NKAIN3: variants seen among roughly 807,000 people sequenced by gnomAD.
NKAIN3 encodes sodium/potassium transporting ATPase interacting 3.
In NKAIN3, 25 loss-of-function variants were observed where a neutral mutation model predicts 30.2. The observed-to-expected ratio is 0.83, with a 90% CI of 0.60 to 1.16. NKAIN3 has a LOEUF of 1.16. Ranked by LOEUF, NKAIN3 falls within the 50% of genes most tolerant of loss-of-function variation. NKAIN3 has a pLI of 0.00. For missense variants in NKAIN3, 225 were observed against 254.1 expected, an observed-to-expected ratio of 0.89 and a Z score of 0.78; for synonymous variants, 91 against 89.6, an observed-to-expected ratio of 1.02 and a Z score of -0.09.
chr8:62,459,719 A>G (rs1444570865), intron 1 of NKAIN3, among the ~76,000 whole-genome samples: 1 of 152,228 alleles, frequency 6.6e-6, no homozygotes, highest in East Asian at 1.9e-4. Flanking sequence ...TATGCAATAC[A>G]TAGATCGGAG....
At chr8:62,560,536 T>C (rs866179062) in intron 1 of NKAIN3, among the ~76,000 whole-genome samples, 13 of 117,074 alleles carry the variant, frequency 1.1e-4, no homozygotes, top group East Asian at 2.2e-4. Flanking sequence ...CTTTTCTTTT[T>C]TTTTTTTTTT....
intron 3 of NKAIN3, among the ~76,000 whole-genome samples, chr8:62,736,424 C>T (rs1218296812): frequency 6.6e-6 from 1 of 152,114 alleles, no homozygotes; most frequent in Non-Finnish European, 1.5e-5. Context: ...ATTATGGCTA[C>T]CACTGCTGCA....
In NKAIN3 at chr8:62,323,771, A is replaced by G. The variant is rs1360502911; in HGVS notation, c.54+74644A>G. On this transcript the variant is annotated intron_variant, in intron 1 of 6. Transcript: ENST00000623646. ...TCCAGACAATGAAATATTATTGACC[A>G]ATACAAAGATATGAGTTATCAAGCC... Among the ~76,000 whole-genome samples the G allele has an allele frequency of 5.9e-5, 9 of 152,326 alleles. No individual in the cohort carries two copies. In the South Asian group the frequency reaches 1.4e-3, roughly 25 times the overall value.
chr8:62,480,198 C>T (rs1039271378), intron 1 of NKAIN3, among the ~76,000 whole-genome samples: 5 of 152,102 alleles, frequency 3.3e-5, no homozygotes, highest in African/African-American at 1.2e-4. Context: ...TGCTACTTTC[C>T]ATTACTATGA....
At chr8:62,329,440 C>T (rs771226866) in intron 1 of NKAIN3, among the ~76,000 whole-genome samples, 1 of 152,110 alleles carries the variant, frequency 6.6e-6, no homozygotes, top group Non-Finnish European at 1.5e-5. Flanking sequence ...GATCCCATCA[C>T]CCATTCCGGA....
chr8:62,795,633 A>G (rs1586203319), intron 4 of NKAIN3, among the ~76,000 whole-genome samples: 1 of 152,322 alleles, frequency 6.6e-6, no homozygotes, highest in African/African-American at 2.4e-5. Context: ...TTAAAAGAGA[A>G]TTAGTAACAA....
At chr8:62,736,314 G>C (rs1815671244) in intron 3 of NKAIN3, among the ~76,000 whole-genome samples, 1 of 152,168 alleles carries the variant, frequency 6.6e-6, no homozygotes, top group African/African-American at 2.4e-5. Flanking sequence ...AGCGGATTAA[G>C]TGTGCCTGAG....
intron 3 of NKAIN3, among the ~76,000 whole-genome samples, chr8:62,658,224 C>A (rs1390822587): frequency 6.6e-6 from 1 of 152,170 alleles, no homozygotes; most frequent in Admixed American, 6.5e-5. Context: ...AAACTTGTAA[C>A]AATCTCTTAA....
intron 1 of NKAIN3, among the ~76,000 whole-genome samples, chr8:62,490,734 G>A (rs1422155852): frequency 6.6e-6 from 1 of 152,140 alleles, no homozygotes; most frequent in Non-Finnish European, 1.5e-5. Context: ...TGCCATCCCA[G>A]TGCTGGCATC....
At chr8:62,412,021 A>G (rs1225985856) in intron 1 of NKAIN3, among the ~76,000 whole-genome samples, 1 of 152,166 alleles carries the variant, frequency 6.6e-6, no homozygotes, top group African/African-American at 2.4e-5. Context: ...CTAAAAAACT[A>G]CCAAAGTCAT....
intron 4 of NKAIN3, among the ~76,000 whole-genome samples, chr8:62,886,250 G>T (rs1208264697): frequency 1.3e-5 from 2 of 151,612 alleles, no homozygotes; most frequent in South Asian, 2.1e-4. Flanking sequence ...CCAGTTCCCA[G>T]GTAGAGTGAG....
intron 4 of NKAIN3, among the ~76,000 whole-genome samples, chr8:62,775,476 A>G (rs1817162726): frequency 6.6e-6 from 1 of 151,694 alleles, no homozygotes; most frequent in Non-Finnish European, 1.5e-5. Flanking sequence ...TTGCTTTCCT[A>G]GTTTTTCAAG....
At chr8:62,499,867 T>C (rs1179523420) in intron 1 of NKAIN3, among the ~76,000 whole-genome samples, 3 of 152,158 alleles carry the variant, frequency 2.0e-5, no homozygotes, top group Non-Finnish European at 4.4e-5. Flanking sequence ...CTTTCTTTTT[T>C]TTTCTTTTTG....
At chr8:62,280,489 C>T (rs890225118) in intron 1 of NKAIN3, among the ~76,000 whole-genome samples, 2 of 152,092 alleles carry the variant, frequency 1.3e-5, no homozygotes, top group African/African-American at 2.4e-5. Context: ...TTTGCCCATT[C>T]AGTATGATAT....
rs568130037 is a variant in NKAIN3, at chr8:62,511,264, G to A, written c.55-68275G>A. On this transcript the variant is annotated intron_variant, in intron 1 of 6. Transcript: ENST00000623646. ...TGCAGTCTAGTTCCTACCGCCTTCC[G>A]CGGGGTTCCCTGTGCCCTCCCTCAC... 1.5e-3 allele frequency among the ~76,000 whole-genome samples: 227 copies of A among 152,164 alleles called. 1 individual carries two copies. The highest frequency in any genetic ancestry group is 4.9e-3 in the African/African-American group (204 of 41,508).
At chr8:62,274,569 G>A (rs375372452) in intron 1 of NKAIN3, among the ~76,000 whole-genome samples, 1 of 151,858 alleles carries the variant, frequency 6.6e-6, no homozygotes, top group African/African-American at 2.4e-5. Flanking sequence ...TCTTGCTCCA[G>A]ACTGCCTGGA....
chr8:62,293,522 G>T (rs903170259), intron 1 of NKAIN3, among the ~76,000 whole-genome samples: 1 of 152,072 alleles, frequency 6.6e-6, no homozygotes, highest in Non-Finnish European at 1.5e-5. Flanking sequence ...TGTTTGCCTG[G>T]GTATCACCAG....
chr8:62,496,493 A>C (rs72651531), intron 1 of NKAIN3, among the ~76,000 whole-genome samples: 64 of 152,290 alleles, frequency 4.2e-4, no homozygotes, highest in Non-Finnish European at 8.5e-4. Context: ...TAGGAAAAGC[A>C]ATTCCATGGA....
At chr8:62,576,133 A>T (rs1810101390) in intron 1 of NKAIN3, among the ~76,000 whole-genome samples, 1 of 152,050 alleles carries the variant, frequency 6.6e-6, no homozygotes, top group South Asian at 2.1e-4. Flanking sequence ...TCGAGTTAAA[A>T]AGCTTCTGCA....
Sources: gnomAD v4.1 joint callset for allele counts (sites outside exome capture counted in the v4.1 genomes callset) on GRCh38, gnomAD v4.1.1 for gene constraint, MANE v1.5 for transcripts, NCBI Gene and HGNC (gene_info 2026-07-23, HGNC 2026-07-21) for gene names.